CENPP: variants seen among roughly 807,000 people sequenced by gnomAD.
The protein encoded by CENPP is centromere protein P.
Under a neutral mutation model 35.6 loss-of-function variants are expected in CENPP, and 24 were observed. The observed-to-expected ratio is 0.67, with a 90% CI of 0.49 to 0.95. The LOEUF is 0.95. Among genes scored for constraint, CENPP ranks in the 40% least tolerant of loss-of-function variants. CENPP has a pLI of 0.00. For synonymous variants in CENPP, 120 were observed against 125.5 expected, an observed-to-expected ratio of 0.96 and a Z score of 0.29; for missense variants, 332 against 345.3, an observed-to-expected ratio of 0.96 and a Z score of 0.31.
intron 5 of CENPP, chr9:92,502,437 C>A: frequency 3.9e-6 from 6 of 1,539,736 alleles, no homozygotes; most frequent in Non-Finnish European, 5.3e-6. Context: ...ATCCCATTCC[C>A]AGTTTCCATA....
chr9:92,562,362 G>C (rs1429216549), intron 5 of CENPP, among the ~76,000 whole-genome samples: 1 of 151,628 alleles, frequency 6.6e-6, no homozygotes, highest in African/African-American at 2.4e-5. Flanking sequence ...CCACCACCAC[G>C]CCCAGCTAAT....
chr9:92,529,553 C>T (rs1848621748), intron 5 of CENPP, among the ~76,000 whole-genome samples: 1 of 152,132 alleles, frequency 6.6e-6, no homozygotes, highest in South Asian at 2.1e-4. Flanking sequence ...TTAGAAGCAA[C>T]CAACATGTTC....
intron 5 of CENPP, among the ~76,000 whole-genome samples, chr9:92,503,877 A>C (rs1846834638): frequency 6.6e-6 from 1 of 152,244 alleles, no homozygotes; most frequent in South Asian, 2.1e-4. Context: ...CAGCTGTAGG[A>C]AAGAATGACA....
intron 5 of CENPP, among the ~76,000 whole-genome samples, chr9:92,575,131 A>C (rs1204314203): frequency 6.6e-6 from 1 of 152,238 alleles, no homozygotes. Context: ...GAAAAGCTTC[A>C]CTACATTGGA....
chr9:92,517,633 T>TG, intron 5 of CENPP: 1 of 1,603,012 alleles, frequency 6.2e-7, no homozygotes, highest in Non-Finnish European at 8.5e-7. Flanking sequence ...CAAAAACAAA[T>TG]GGAAGTTAAA....
At chr9:92,580,653 C>G (rs1388108063) in intron 5 of CENPP, among the ~76,000 whole-genome samples, 16 of 141,958 alleles carry the variant, frequency 1.1e-4, no homozygotes, top group East Asian at 2.1e-4. Context: ...GTGATATCCC[C>G]TTTATCATTT....
chr9:92,606,107 C>A (rs1423192375), intron 5 of CENPP, among the ~76,000 whole-genome samples: 2 of 151,922 alleles, frequency 1.3e-5, no homozygotes, highest in African/African-American at 2.4e-5. Context: ...TTAAAAAATA[C>A]AAAAATTAGC....
At chr9:92,405,052 T>A (rs1843268446) in intron 5 of CENPP, among the ~76,000 whole-genome samples, 1 of 152,150 alleles carries the variant, frequency 6.6e-6, no homozygotes, top group African/African-American at 2.4e-5. Context: ...CACAAATTAT[T>A]TGATAGTTTT....
At chr9:92,425,767 C>T (rs1843949298) in intron 5 of CENPP, among the ~76,000 whole-genome samples, 1 of 152,140 alleles carries the variant, frequency 6.6e-6, no homozygotes, top group African/African-American at 2.4e-5. Context: ...CGTGGCAGAC[C>T]ACACTTTAGC....
intron 5 of CENPP, among the ~76,000 whole-genome samples, chr9:92,557,878 T>C (rs1322183685): frequency 6.6e-6 from 1 of 152,056 alleles, no homozygotes; most frequent in African/African-American, 2.4e-5. Context: ...CTCCTGACCT[T>C]GTGATCCACC....
chr9:92,343,007 T>C (rs1193334954), intron 3 of CENPP, among the ~76,000 whole-genome samples: 1 of 152,212 alleles, frequency 6.6e-6, no homozygotes, highest in Non-Finnish European at 1.5e-5. Context: ...AGCAACCTTG[T>C]GTGTTCTAAA....
Position 92,619,639 on chromosome 9 carries a change from T to A in CENPP, c.*6490T>A. The A allele has an allele frequency of 7.6e-7, 1 of 1,311,746 alleles. No homozygotes were observed. Among genetic ancestry groups the A allele is most frequent in the Non-Finnish European group, 1.1e-6 (1 of 932,870 alleles). The allele number at this position is 1,311,746 out of a possible 1,614,324, so 81.3% of individuals were successfully genotyped here. Reference sequence around the variant, plus strand: ...CCCCCCACACAACCTTCCTTCCCAGTAGCCAAGTGTGGGAACTGCTTCCTG... The same window carrying A: ...CCCCCCACACAACCTTCCTTCCCAGAAGCCAAGTGTGGGAACTGCTTCCTG... On this transcript the variant is annotated 3_prime_UTR_variant, in exon 8 of 8. Coordinates refer to ENST00000375587, the MANE Select transcript of CENPP (RefSeq NM_001012267.3).
At chr9:92,474,614 A>G in intron 5 of CENPP, 1 of 1,602,512 alleles carries the variant, frequency 6.2e-7, no homozygotes, top group Non-Finnish European at 8.5e-7. Context: ...AAATCGACTT[A>G]TATTCTTACC....
intron 5 of CENPP, among the ~76,000 whole-genome samples, chr9:92,418,232 G>A (rs887849270): frequency 2.0e-5 from 3 of 151,982 alleles, no homozygotes; most frequent in African/African-American, 4.8e-5. Context: ...GACTACAGGC[G>A]CGTGCCACCA....
chr9:92,619,379 C>G lies in CENPP; in HGVS notation c.*6230C>G. The G allele has an allele frequency of 1.1e-6, 1 of 872,634 alleles. No homozygotes were observed. Among genetic ancestry groups the G allele is most frequent in the Non-Finnish European group, 1.9e-6 (1 of 539,528 alleles). 54.1% of individuals were successfully genotyped at this position (872,634 alleles called of 1,614,324 possible). A position where few individuals can be genotyped will look rare whatever the true frequency, so the allele number is the denominator to read the frequency against. ...GGCCAAGGAAGTTATGTCACTCCGC[C>G]ATGGAGTCTCTAAATATGGGGAAAC... On this transcript the variant is annotated 3_prime_UTR_variant, in exon 8 of 8. Coordinates refer to ENST00000375587, the MANE Select transcript of CENPP (RefSeq NM_001012267.3).
chr9:92,456,930 C>A (rs894682780), intron 5 of CENPP: 1 of 1,020,040 alleles, frequency 9.8e-7, no homozygotes, highest in Non-Finnish European at 1.2e-6. Flanking sequence ...TTTGCTAAGT[C>A]AAGCATTCCA....
intron 5 of CENPP, among the ~76,000 whole-genome samples, chr9:92,496,955 AT>A (rs972178781): frequency 6.6e-6 from 1 of 151,894 alleles, no homozygotes; most frequent in Non-Finnish European, 1.5e-5. Flanking sequence ...AAAAAAAAAA[AT>A]CCAGAAGCTC....
intron 3 of CENPP, among the ~76,000 whole-genome samples, chr9:92,343,962 CA>C (rs35920973): frequency 0.28 from 17,022 of 61,366 alleles, 863 homozygotes; most frequent in South Asian, 0.32. Flanking sequence ...AACCCTGTCT[CA>C]AAAAAAAAAA....
chr9:92,484,759 C>T lies in CENPP; in HGVS notation c.564+104900C>T, dbSNP rs184574678. On this transcript the variant is annotated intron_variant, in intron 5 of 7. Coordinates refer to ENST00000375587, the MANE Select transcript of CENPP (RefSeq NM_001012267.3). Reference sequence around the variant, plus strand: ...TCACCCACCCAAGGCACTCCTCAGTCGAGTTGCCTGCATGGCCTTTCTGGG... The same window carrying T: ...TCACCCACCCAAGGCACTCCTCAGTTGAGTTGCCTGCATGGCCTTTCTGGG... Among the ~76,000 whole-genome samples the T allele has an allele frequency of 7.4e-4, 113 of 152,322 alleles. 1 individual carries two copies. The highest frequency in any genetic ancestry group is 1.2e-3 in the Non-Finnish European group (85 of 68,030).
Sources: gnomAD v4.1 joint callset for allele counts (sites outside exome capture counted in the v4.1 genomes callset) on GRCh38, gnomAD v4.1.1 for gene constraint, MANE v1.5 for transcripts, NCBI Gene and HGNC (gene_info 2026-07-23, HGNC 2026-07-21) for gene names.